SHOC2: variants seen among roughly 807,000 people sequenced by gnomAD.
The protein encoded by SHOC2 is leucine-rich repeat protein SHOC-2.
A neutral mutation model predicts 50.2 loss-of-function variants in SHOC2; 4 were observed. The ratio of observed to expected loss-of-function variants is 0.08; its 90% CI spans 0.04 to 0.18. SHOC2 has a LOEUF of 0.18. Among genes scored for constraint, SHOC2 ranks in the 10% least tolerant of loss-of-function variants. The pLI is 1.00. For synonymous variants in SHOC2, 218 were observed against 244.5 expected, an observed-to-expected ratio of 0.89 and a Z score of 1.01; for missense variants, 388 against 669.6, an observed-to-expected ratio of 0.58 and a Z score of 4.64.
At chr10:110,992,654 A>T (rs369137814) in intron 3 of SHOC2, among the ~76,000 whole-genome samples, 11 of 152,328 alleles carry the variant, frequency 7.2e-5, no homozygotes, top group African/African-American at 2.6e-4. Context: ...AAGAAATGTT[A>T]CATTAATTAT....
At position 111,012,160 on chromosome 10, in the gene SHOC2, G is replaced by T. The variant is rs2134183825; in HGVS notation, c.*342G>T. ...TACTTTCTCTTAGGAAAAATAATGGGCAAAAATTTTTGTTGCAACTTTTCA... is the reference window on the plus strand; with the variant it reads ...TACTTTCTCTTAGGAAAAATAATGGTCAAAAATTTTTGTTGCAACTTTTCA... On this transcript the variant is annotated 3_prime_UTR_variant, in exon 9 of 9. Transcript: ENST00000369452. 4.5e-6 allele frequency: 1 copy of T among 219,956 alleles called. No homozygotes were observed. The highest frequency in any genetic ancestry group is 9.1e-6 in the Non-Finnish European group (1 of 110,158). The allele number at this position is 219,956 out of a possible 1,614,324, so 13.6% of individuals were successfully genotyped here.
intron 1 of SHOC2, among the ~76,000 whole-genome samples, chr10:110,933,857 CA>C (rs1220428052): frequency 6.6e-6 from 1 of 151,966 alleles, no homozygotes; most frequent in African/African-American, 2.4e-5. Flanking sequence ...CAGTGATGCC[CA>C]TATCTTTTGA....
chr10:110,964,396 A>C lies in SHOC2; in HGVS notation c.38A>C (p.Glu13Ala), dbSNP rs730881018. Residue 13 changes from glutamate (E) to alanine (A), a missense_variant, in exon 2 of 9, where the codon GAA becomes GCA. Glu to Ala is a moderately radical substitution (Grantham distance 107). Coordinates refer to ENST00000369452, the MANE Select transcript of SHOC2 (RefSeq NM_007373.4). This position sits in a 1 kb window ranked among gnomAD's most constrained non-coding sequence, Gnocchi z 4.9. Reference sequence around the variant, plus strand: ...TTAGGAAAAGAAAAAGACTCTAAAGAAAAAGATCCCAAAGTACCATCAGCC... The same window carrying C: ...TTAGGAAAAGAAAAAGACTCTAAAGCAAAAGATCCCAAAGTACCATCAGCC... ...SSLGKEKDSK[E>A]KDPKVPSAKE... 2.2e-5 allele frequency: 36 copies of C among 1,613,068 alleles called. No homozygotes were observed. The Admixed American group carries it at 6.0e-4, about 27-fold the overall frequency.
At position 110,955,224 on chromosome 10, in the gene SHOC2, C is replaced by G. The variant is rs1019022250; in HGVS notation, c.-234-8901C>G. 4.6e-5 allele frequency among the ~76,000 whole-genome samples: 7 copies of G among 151,992 alleles called. No individual in the cohort carries two copies. In the East Asian group the frequency reaches 1.2e-3, roughly 25 times the overall value. On this transcript the variant is annotated intron_variant, in intron 1 of 8. Coordinates refer to ENST00000369452, the MANE Select transcript of SHOC2 (RefSeq NM_007373.4). The stretch of plus-strand genomic sequence containing the variant: ...GAGACAAGGTAGTTCAAGAGAGAGA[C>G]GATGAGAGCTTGGAGTACGGTGAAG...
chr10:110,949,255 A>G (rs1847305275), intron 1 of SHOC2, among the ~76,000 whole-genome samples: 1 of 152,204 alleles, frequency 6.6e-6, no homozygotes, highest in Non-Finnish European at 1.5e-5. Context: ...ATGAAAGAGA[A>G]GCCATTACAG....
At chr10:110,974,068 C>T (rs1254891926) in intron 2 of SHOC2, among the ~76,000 whole-genome samples, 2 of 151,772 alleles carry the variant, frequency 1.3e-5, no homozygotes, top group Non-Finnish European at 2.9e-5. Context: ...GTTTAATACG[C>T]TTTTCTTTGT....
At chr10:111,009,598 C>A in intron 7 of SHOC2, 115 bp from the exon 8 acceptor site, 2 of 816,608 alleles carry the variant, frequency 2.4e-6, no homozygotes, top group Non-Finnish European at 4.1e-6. Context: ...GATTCTCATT[C>A]TATCCAATCT....
chr10:110,930,781 C>T (rs1048916880), intron 1 of SHOC2, among the ~76,000 whole-genome samples: 2 of 81,686 alleles, frequency 2.4e-5, no homozygotes, highest in African/African-American at 8.6e-5. Flanking sequence ...TAAAACTTTT[C>T]AGATAATGTT....
At chr10:110,946,550 A>G (rs1016703875) in intron 1 of SHOC2, among the ~76,000 whole-genome samples, 1 of 152,014 alleles carries the variant, frequency 6.6e-6, no homozygotes, top group African/African-American at 2.4e-5. Context: ...ATAGGAAGAC[A>G]TTTCTCTTTT....
rs1384222506 is a variant in SHOC2 at position 111,000,667 on chromosome 10, AT to A, written c.972+123del. 1.1e-5 allele frequency: 9 copies of A among 836,792 alleles called. No homozygotes were observed. The Admixed American group carries it at 1.4e-4, about 13-fold the overall frequency. The allele number at this position is 836,792 out of a possible 1,614,324, so 51.8% of individuals were successfully genotyped here. A position where few individuals can be genotyped will look rare whatever the true frequency, so the allele number is the denominator to read the frequency against. On this transcript the variant is annotated intron_variant, in intron 4 of 8. Coordinates refer to ENST00000369452, the MANE Select transcript of SHOC2 (RefSeq NM_007373.4). ...GATTGAGATTGTTTAAATAATGAGT[AT>A]GCTGTGAATGTACCACCACCGCTGA... is the stretch of plus-strand genomic sequence containing the variant.
intron 2 of SHOC2, among the ~76,000 whole-genome samples, chr10:110,979,654 A>C (rs1847937444): frequency 6.6e-6 from 1 of 152,198 alleles, no homozygotes. Flanking sequence ...TGTTAAATCC[A>C]GCTTTCTCTT....
chr10:110,956,152 A>AT (rs1847457303), intron 1 of SHOC2, among the ~76,000 whole-genome samples: 1 of 152,008 alleles, frequency 6.6e-6, no homozygotes, highest in African/African-American at 2.4e-5. Context: ...ATTGCCTGAA[A>AT]TGACTCCTGT....
intron 3 of SHOC2, among the ~76,000 whole-genome samples, chr10:110,992,510 C>T (rs1429613479): frequency 1.3e-5 from 2 of 151,998 alleles, no homozygotes; most frequent in Non-Finnish European, 2.9e-5. Context: ...AGAAACAGTC[C>T]GAAGTAGGAA....
At chr10:110,938,480 A>G (rs1847072889) in intron 1 of SHOC2, among the ~76,000 whole-genome samples, 2 of 152,130 alleles carry the variant, frequency 1.3e-5, no homozygotes, top group African/African-American at 4.8e-5. Context: ...TAATAATAAA[A>G]TTTGATCAAT....
At chr10:110,950,893 CA>C (rs1486262693) in intron 1 of SHOC2, among the ~76,000 whole-genome samples, 1 of 152,056 alleles carries the variant, frequency 6.6e-6, no homozygotes, top group Non-Finnish European at 1.5e-5. Flanking sequence ...AAAATCAACT[CA>C]AAATAGATTA....
intron 1 of SHOC2, among the ~76,000 whole-genome samples, chr10:110,944,434 T>G (rs1847210202): frequency 6.6e-6 from 1 of 151,832 alleles, no homozygotes; most frequent in Non-Finnish European, 1.5e-5. Context: ...GTCCAATATC[T>G]GGATTTCCTC....
At chr10:110,968,045 T>C in intron 2 of SHOC2, among the ~76,000 whole-genome samples, 1 of 152,210 alleles carries the variant, frequency 6.6e-6, no homozygotes, top group East Asian at 1.9e-4. Flanking sequence ...ATTACTAGAC[T>C]GTTTTCCAAA....
At chr10:111,011,588 A>C (rs1296875484) in intron 8 of SHOC2, 22 bp from the exon 9 acceptor site, 1 of 1,591,164 alleles carries the variant, frequency 6.3e-7, no homozygotes, top group Non-Finnish European at 8.6e-7. Context: ...TTTAAAAAAA[A>C]ATTGATTTTT....
At chr10:110,919,590 C>G (rs1352996966), upstream of SHOC2, 3 of 394,406 alleles carry the variant, frequency 7.6e-6, no homozygotes, top group Non-Finnish European at 1.3e-5. Context: ...AGCGTCGCTT[C>G]TTAGGAGGAG....
Sources: allele counts gnomAD v4.1 joint callset (sites outside exome capture counted in the v4.1 genomes callset), GRCh38; gene constraint gnomAD v4.1.1; non-coding constraint Gnocchi (gnomAD v3.1); transcripts MANE v1.5; gene names NCBI Gene and HGNC (gene_info 2026-07-23, HGNC 2026-07-21).